The following ESR1 variants were observed in gnomAD, a reference collection of about 807,000 sequenced individuals.
ESR1 encodes the protein estrogen receptor 1.
In ESR1, 12 loss-of-function variants were observed where a neutral mutation model predicts 52.7. The observed-to-expected ratio is 0.23, with a 90% CI of 0.15 to 0.37. The LOEUF is 0.37. Among genes scored for constraint, ESR1 ranks in the 10% least tolerant of loss-of-function variants. The probability of loss-of-function intolerance (pLI) is 1.00; values close to 1 mark genes in which losing one functional copy is unlikely to be tolerated. For synonymous variants in ESR1, 305 were observed against 316.8 expected (o/e 0.96, Z 0.39); for missense variants, 584 against 779.7 (o/e 0.75, Z 2.99).
upstream of ESR1, among the ~76,000 whole-genome samples, chr6:151,801,136 C>T (rs1216916833): frequency 2.0e-5 from 3 of 151,162 alleles, no homozygotes; most frequent in African/African-American, 7.3e-5. Context: ...AATTTAGGCA[C>T]AATCTAGATA....
At chr6:151,700,144 G>T (rs1779662138) in intron 1 of ESR1, among the ~76,000 whole-genome samples, 1 of 151,626 alleles carries the variant, frequency 6.6e-6, no homozygotes, top group South Asian at 2.1e-4. Flanking sequence ...TCAAATCTCT[G>T]TTATTATCTG....
chr6:151,942,582 C>A (rs539273880), intron 3 of ESR1, among the ~76,000 whole-genome samples: 1 of 151,144 alleles, frequency 6.6e-6, no homozygotes, highest in Non-Finnish European at 1.5e-5. Flanking sequence ...TAATACTGAG[C>A]AAATAGGAAG....
chr6:151,742,117 G>C (rs75573426), intron 2 of ESR1, among the ~76,000 whole-genome samples: 1 of 152,058 alleles, frequency 6.6e-6, no homozygotes, highest in African/African-American at 2.4e-5. Flanking sequence ...GATCTCATTC[G>C]TTTTTAAGGC....
At chr6:151,908,587 G>C (rs1282567534) in intron 3 of ESR1, among the ~76,000 whole-genome samples, 1 of 152,114 alleles carries the variant, frequency 6.6e-6, no homozygotes, top group African/African-American at 2.4e-5. Flanking sequence ...CTTCTCACTC[G>C]TTGCTTAAAA....
chr6:151,876,302 G>A (rs573038633), intron 2 of ESR1, among the ~76,000 whole-genome samples: 1 of 152,174 alleles, frequency 6.6e-6, no homozygotes, highest in East Asian at 1.9e-4. Flanking sequence ...CCATCTTGAC[G>A]AGTGTGAGAG....
Position 152,098,589 on chromosome 6 carries a change from C to G in ESR1, c.1554-143C>G, listed in dbSNP as rs942103303. ...AGCCCTCAGCTTTCCCAGCTCCCAT[C>G]CTAAAGTGGGTCTTTAAACAGGAAG... is the stretch of plus-strand genomic sequence containing the variant. On this transcript the variant is annotated intron_variant, in intron 7 of 7. Coordinates refer to ENST00000206249, the MANE Select transcript of ESR1 (RefSeq NM_000125.4). The surrounding 1 kb of genome is among the most constrained non-coding windows in gnomAD (Gnocchi z 5.1). 1 of 740,670 alleles carries G rather than the reference C, an allele frequency of 1.4e-6. No individual in the cohort carries two copies. The highest frequency in any genetic ancestry group is 1.5e-5 in the South Asian group (1 of 65,938). 45.9% of individuals were successfully genotyped at this position (740,670 alleles called of 1,614,324 possible).
At chr6:152,084,115 CTTT>C (rs1339705699) in intron 6 of ESR1, among the ~76,000 whole-genome samples, 3 of 152,180 alleles carry the variant, frequency 2.0e-5, no homozygotes, top group Non-Finnish European at 2.9e-5. Context: ...AGTTCCTGTC[CTTT>C]GCAGGGACGT....
intron 5 of ESR1, among the ~76,000 whole-genome samples, chr6:152,046,081 C>T (rs571392017): frequency 1.3e-5 from 2 of 152,106 alleles, no homozygotes; most frequent in African/African-American, 4.8e-5. Context: ...GGGAGTGGGT[C>T]TTGGGACACC....
intron 5 of ESR1, among the ~76,000 whole-genome samples, chr6:152,050,309 T>A (rs2046577748): frequency 6.6e-6 from 1 of 152,194 alleles, no homozygotes. Flanking sequence ...TGGCTTTCAG[T>A]CTCATACCAA....
At chr6:151,817,760 G>T (rs1206574904) in intron 1 of ESR1, among the ~76,000 whole-genome samples, 1 of 152,190 alleles carries the variant, frequency 6.6e-6, no homozygotes, top group Non-Finnish European at 1.5e-5. Context: ...TTCGATTTTT[G>T]TTAAGTGTTT....
At chr6:151,906,422 A>G (rs1305864227) in intron 3 of ESR1, among the ~76,000 whole-genome samples, 1 of 151,984 alleles carries the variant, frequency 6.6e-6, no homozygotes, top group East Asian at 1.9e-4. Context: ...CTTAAAAATA[A>G]GTTGATAGTG....
intron 2 of ESR1, among the ~76,000 whole-genome samples, chr6:151,850,358 CAGAGA>C: frequency 6.8e-6 from 1 of 146,722 alleles, no homozygotes; most frequent in Admixed American, 6.9e-5. Flanking sequence ...GACACAAACA[CAGAGA>C]AGAGAATGTC....
At chr6:151,971,878 T>C (rs2038951574) in intron 4 of ESR1, among the ~76,000 whole-genome samples, 1 of 152,104 alleles carries the variant, frequency 6.6e-6, no homozygotes, top group South Asian at 2.1e-4. Context: ...AGGCTGTTTT[T>C]TTGAAAAGAT....
intron 3 of ESR1, among the ~76,000 whole-genome samples, chr6:151,909,239 T>G (rs1797890988): frequency 6.6e-6 from 1 of 152,194 alleles, no homozygotes; most frequent in African/African-American, 2.4e-5. Context: ...ACCCTGTTCT[T>G]TGGCACAGCT....
At chr6:152,118,308 G>A (rs1003687291) in intron 6 of ESR1, 1 of 152,038 alleles carries the variant, frequency 6.6e-6, no homozygotes, top group African/African-American at 2.4e-5. Flanking sequence ...TATGTCAAAG[G>A]CCCACTGGTG....
chr6:152,064,861 G>A (rs912554670), intron 6 of ESR1, among the ~76,000 whole-genome samples: 5 of 152,138 alleles, frequency 3.3e-5, no homozygotes, highest in African/African-American at 1.2e-4. Context: ...TTACCATTCT[G>A]AAATGTATCA....
intron 3 of ESR1, among the ~76,000 whole-genome samples, chr6:151,903,729 C>T (rs1359671077): frequency 6.6e-6 from 1 of 152,202 alleles, no homozygotes; most frequent in African/African-American, 2.4e-5. Flanking sequence ...ATTATGCTGT[C>T]CCACCAGTGC....
chr6:151,806,532 A>ATATG (rs1554259031), upstream of ESR1, among the ~76,000 whole-genome samples: 2 of 102,328 alleles, frequency 2.0e-5, no homozygotes, highest in Non-Finnish European at 3.8e-5. Context: ...CTTAATATGT[A>ATATG]TATATATATA....
intron 2 of ESR1, among the ~76,000 whole-genome samples, chr6:151,765,887 G>A (rs964797199): frequency 6.6e-6 from 1 of 152,174 alleles, no homozygotes; most frequent in South Asian, 2.1e-4. Flanking sequence ...TTCAATTACA[G>A]AACTGTTATC....
Sources: allele counts gnomAD v4.1 joint callset (sites outside exome capture counted in the v4.1 genomes callset), GRCh38; gene constraint gnomAD v4.1.1; non-coding constraint Gnocchi (gnomAD v3.1); transcripts MANE v1.5; gene names NCBI Gene and HGNC (gene_info 2026-07-23, HGNC 2026-07-21).